The following HNF1B variants were observed in gnomAD, a reference collection of about 807,000 sequenced individuals.
HNF1B encodes the protein hepatocyte nuclear factor 1-beta.
In HNF1B, 8 loss-of-function variants were observed where a neutral mutation model predicts 61.7. The observed-to-expected ratio is 0.13, with a 90% CI of 0.08 to 0.23. HNF1B has a LOEUF of 0.23. Ranked by LOEUF, HNF1B falls within the 10% of genes least tolerant of loss-of-function variation. HNF1B has a pLI of 1.00. For missense variants in HNF1B, 562 were observed against 714.5 expected (o/e 0.79, Z 2.43); for synonymous variants, 314 against 287.7 (o/e 1.09, Z -0.93).
Position 37,700,972 on chromosome 17 carries a change from C to T in HNF1B, c.1534+11G>A, listed in dbSNP as rs373875820. ...TGAGTGCTCCCTCCCTCCACATGCC[C>T]GTGTCCTTACTGTGTGAGTTCTGCA... On this transcript the variant is annotated intron_variant, in intron 7 of 8. Coordinates refer to ENST00000617811, the MANE Select transcript of HNF1B (RefSeq NM_000458.4). 7.1e-5 allele frequency: 111 copies of T among 1,553,392 alleles called. No homozygotes were observed. The African/African-American group carries it at 1.1e-3, about 15-fold the overall frequency.
intron 8 of HNF1B, among the ~76,000 whole-genome samples, chr17:37,690,005 A>G (rs200528561): frequency 3.4e-3 from 1 of 290 alleles, no homozygotes; most frequent in Non-Finnish European, 6.3e-3. Flanking sequence ...AAATGCGTGC[A>G]CACACACACA....
Position 37,687,615 on chromosome 17 carries a change from G to A in HNF1B, c.1654-223C>T, listed in dbSNP as rs111656202. On this transcript the variant is annotated intron_variant, in intron 8 of 8. Coordinates refer to ENST00000617811, the MANE Select transcript of HNF1B (RefSeq NM_000458.4). ...GCTTTCCTGGCCACTTCAGAAGAAA[G>A]AAGTGAATTGCTGGGGACCTTGAAG... Among the ~76,000 whole-genome samples the A allele has an allele frequency of 2.6e-5, 4 of 152,314 alleles. No homozygotes were observed. The East Asian group carries it at 7.7e-4, about 29-fold the overall frequency.
chr17:37,742,695 G>A (rs2034031377), intron 1 of HNF1B, among the ~76,000 whole-genome samples: 1 of 151,970 alleles, frequency 6.6e-6, no homozygotes, highest in Admixed American at 6.5e-5. Context: ...GGGCTTTGGG[G>A]AGGGAAGAGC....
Position 37,731,708 on chromosome 17 carries a change from T to C in HNF1B, c.932A>G (p.Gln311Arg). 1 of 1,614,186 alleles carries C rather than the reference T, an allele frequency of 6.2e-7. No individual in the cohort carries two copies. Among genetic ancestry groups the C allele is most frequent in the Non-Finnish European group, 8.5e-7 (1 of 1,180,026 alleles). ...ANRRKEEAFR[Q>R]KLAMDAYSSN... ...GCTATAGGCGTCCATGGCCAGCTTTTGCCGGAATGCCTCCTCCTTCCTGCG... is the reference window on the plus strand; with the variant it reads ...GCTATAGGCGTCCATGGCCAGCTTTCGCCGGAATGCCTCCTCCTTCCTGCG... Residue 311 changes from glutamine (Q) to arginine (R), a missense_variant, in exon 4 of 9, where the codon CAA becomes CGA. This residue lies in a region of HNF1B where 54 missense variants were observed against 122.1 expected (regional missense o/e 0.44). Coordinates refer to ENST00000617811, the MANE Select transcript of HNF1B (RefSeq NM_000458.4).
At chr17:37,721,357 G>A (rs2033308289) in intron 4 of HNF1B, among the ~76,000 whole-genome samples, 1 of 152,128 alleles carries the variant, frequency 6.6e-6, no homozygotes, top group Admixed American at 6.5e-5. Flanking sequence ...AGACAATGAT[G>A]AGTTTCACAA....
chr17:37,725,499 T>C (rs1453985032), intron 4 of HNF1B, among the ~76,000 whole-genome samples: 1 of 152,212 alleles, frequency 6.6e-6, no homozygotes, highest in East Asian at 1.9e-4. Context: ...TGGCAGCTGA[T>C]GGGGTGGTAC....
intron 4 of HNF1B, among the ~76,000 whole-genome samples, chr17:37,714,465 TAGG>T (rs766817753): frequency 6.6e-6 from 1 of 152,152 alleles, no homozygotes; most frequent in Non-Finnish European, 1.5e-5. Flanking sequence ...AGAGGACCCA[TAGG>T]AGAAATGACA....
At chr17:37,690,760 G>C (rs1277819765) in intron 8 of HNF1B, among the ~76,000 whole-genome samples, 1 of 152,198 alleles carries the variant, frequency 6.6e-6, no homozygotes, top group Non-Finnish European at 1.5e-5. Flanking sequence ...AAAATGAAGA[G>C]TTCCTATTTT....
At chr17:37,721,837 A>G (rs1425299633) in intron 4 of HNF1B, among the ~76,000 whole-genome samples, 3 of 152,158 alleles carry the variant, frequency 2.0e-5, no homozygotes, top group Non-Finnish European at 2.9e-5. Context: ...GGAGACAAAA[A>G]TAAGCAGCCT....
At chr17:37,723,243 A>T (rs1392007477) in intron 4 of HNF1B, among the ~76,000 whole-genome samples, 2 of 151,660 alleles carry the variant, frequency 1.3e-5, no homozygotes, top group Non-Finnish European at 2.9e-5. Context: ...GCTACTCGGG[A>T]GGCTGAGGCC....
chr17:37,735,762 A>T (rs1485779357), intron 2 of HNF1B, among the ~76,000 whole-genome samples: 1 of 152,038 alleles, frequency 6.6e-6, no homozygotes, highest in Non-Finnish European at 1.5e-5. Flanking sequence ...TGGGGGTTAT[A>T]CTTTTTCTTT....
intron 8 of HNF1B, 89 bp from the exon 9 acceptor site, chr17:37,687,481 C>A: frequency 2.1e-6 from 2 of 959,406 alleles, no homozygotes; most frequent in South Asian, 1.3e-5. Flanking sequence ...GAGATGATGC[C>A]CAACTCAACC....
In HNF1B at chr17:37,704,990, G is replaced by A. The variant is rs2032694015; in HGVS notation, c.1266C>T (p.Leu422=). 6.2e-7 allele frequency: 1 copy of A among 1,614,036 alleles called. No homozygotes were observed. The highest frequency in any genetic ancestry group is 8.5e-7 in the Non-Finnish European group (1 of 1,179,908). ...GAGATTGCTGGGGATTATGGTGGGA[G>A]AGGCTGTGGATATTCGTCAAGGTGC... ...PVSTLTNIHS[L]SHHNPQQSQN... is the part of the protein sequence containing the mutation. Residue 422 remains leucine, a synonymous_variant, in exon 6 of 9, where the codon CTC becomes CTT. Coordinates refer to ENST00000617811, the MANE Select transcript of HNF1B (RefSeq NM_000458.4).
At position 37,722,217 on chromosome 17, in the gene HNF1B, T is replaced by C. The variant is rs145055294; in HGVS notation, c.1045+9378A>G. The stretch of plus-strand genomic sequence containing the variant: ...GATTGAAACTACAAGGTAAGACCCT[T>C]GTCAAGAACCCAGGGAGAACCCAAG... On this transcript the variant is annotated intron_variant, in intron 4 of 8. Transcript: ENST00000617811. Among the ~76,000 whole-genome samples the C allele has an allele frequency of 4.2e-3, 640 of 152,306 alleles. 3 individuals carry two copies. Among genetic ancestry groups the C allele is most frequent in the African/African-American group, 0.014 (601 of 41,550 alleles).
intron 8 of HNF1B, among the ~76,000 whole-genome samples, chr17:37,691,694 G>C (rs556368562): frequency 6.6e-5 from 10 of 152,248 alleles, no homozygotes; most frequent in African/African-American, 2.2e-4. Flanking sequence ...GCAAACAGAG[G>C]CTCAAAGAGG....
intron 5 of HNF1B, among the ~76,000 whole-genome samples, chr17:37,709,012 C>A (rs1156305736): frequency 6.6e-6 from 1 of 152,174 alleles, no homozygotes; most frequent in African/African-American, 2.4e-5. Flanking sequence ...CCTCACCCAT[C>A]CTGGCCCCCA....
intron 5 of HNF1B, among the ~76,000 whole-genome samples, chr17:37,707,858 G>T (rs887966111): frequency 6.6e-6 from 1 of 152,046 alleles, no homozygotes; most frequent in African/African-American, 2.4e-5. Context: ...TGGGCATGGG[G>T]GCGGGTAGGG....
intron 2 of HNF1B, among the ~76,000 whole-genome samples, chr17:37,734,930 A>G (rs999036923): frequency 3.3e-5 from 5 of 151,768 alleles, no homozygotes; most frequent in African/African-American, 7.3e-5. Context: ...CTGGGATTAT[A>G]GGTGTGCGGC....
chr17:37,731,873 G>T, intron 3 of HNF1B, 43 bp from the exon 4 acceptor site: 3 of 1,330,918 alleles, frequency 2.3e-6, no homozygotes, highest in South Asian at 2.4e-5. Context: ...GGGGGGGCGG[G>T]GGGACTTGTT....
Sources: allele counts gnomAD v4.1 joint callset (sites outside exome capture counted in the v4.1 genomes callset), GRCh38; gene constraint gnomAD v4.1.1; regional missense constraint gnomAD v4.1.1; transcripts MANE v1.5; gene names NCBI Gene and HGNC (gene_info 2026-07-23, HGNC 2026-07-21).